MYH7B: variants seen among roughly 807,000 people sequenced by gnomAD.
The protein encoded by MYH7B is myosin heavy chain 7B.
MYH7B carries 205 observed loss-of-function variants against 234.5 expected under a neutral mutation model. The ratio of observed to expected loss-of-function variants is 0.87; its 90% CI spans 0.78 to 0.98. The LOEUF (loss-of-function observed/expected upper bound fraction) is 0.98. Among genes scored for constraint, MYH7B ranks in the 50% least tolerant of loss-of-function variants. MYH7B has a pLI of 0.00. For missense variants in MYH7B, 2,652 were observed against 2,633.4 expected, an observed-to-expected ratio of 1.01 and a Z score of -0.15; for synonymous variants, 1,193 against 1,105.0, an observed-to-expected ratio of 1.08 and a Z score of -1.58.
chr20:34,986,096 C>T lies in MYH7B; in HGVS notation c.806-4C>T, dbSNP rs770272378. 3.2e-6 allele frequency: 5 copies of T among 1,575,666 alleles called. No individual in the cohort carries two copies. The highest frequency in any genetic ancestry group is 4.3e-6 in the Non-Finnish European group (5 of 1,158,934). ...GATGGCAGGCCAGCGTCCCTTCTCC[C>T]CAGATCTCCTGGAGAAGTCGCGGGT... On this transcript the variant is annotated splice_region_variant and splice_polypyrimidine_tract_variant and intron_variant, in intron 13 of 44. Coordinates refer to ENST00000262873, the Ensembl canonical transcript of MYH7B.
intron 38 of MYH7B, 128 bp downstream of exon 38, chr20:35,000,034 G>A (rs1293452718): frequency 2.0e-6 from 2 of 985,726 alleles, no homozygotes; most frequent in Non-Finnish European, 1.5e-6. Flanking sequence ...CATTCTAGCT[G>A]TGAACCTCGG....
intron 2 of MYH7B, among the ~76,000 whole-genome samples, chr20:34,972,721 C>G (rs550787481): frequency 2.2e-4 from 34 of 152,060 alleles, no homozygotes; most frequent in Non-Finnish European, 3.4e-4. Context: ...TCTTGAACTC[C>G]TGGGATCAAG....
At chr20:34,995,230 CAAA>C (rs10536288) in intron 27 of MYH7B, 103 bp from the exon 28 acceptor site, 826,083 of 1,182,124 alleles carry the variant, frequency 0.7, 290,697 homozygotes, top group Admixed American at 0.85. Flanking sequence ...AGAGCACAGC[CAAA>C]CTTTGCTACA....
chr20:34,973,536 C>T (rs1291054387), intron 2 of MYH7B, among the ~76,000 whole-genome samples: 1 of 152,226 alleles, frequency 6.6e-6, no homozygotes, highest in Non-Finnish European at 1.5e-5. Flanking sequence ...TCATCCAGTT[C>T]AGAGGCCTCA....
rs990820364 is a variant in MYH7B, at chr20:34,999,654, G to A, written c.4624G>A (p.Gly1542Ser). Residue 1542 changes from glycine (G) to serine (S), a missense_variant, in exon 37 of 45, where the codon GGC becomes AGC. Physicochemically the swap from Gly to Ser is moderately conservative, Grantham distance 56 (BLOSUM62 0). Transcript: ENST00000262873. ...GGAGAAAACCAAGAAGGCGCTGGAA[G>A]GCGAGAAGAGTGAGATCCAGGCTGC... 5 of 1,613,712 alleles carry A rather than the reference G, an allele frequency of 3.1e-6. No individual in the cohort carries two copies. In the African/African-American group the frequency reaches 6.7e-5, roughly 22 times the overall value.
At chr20:34,999,538 G>A in intron 36 of MYH7B, 33 bp from the exon 37 acceptor site, 5 of 1,567,158 alleles carry the variant, frequency 3.2e-6, no homozygotes, top group Non-Finnish European at 4.3e-6. Flanking sequence ...TACAAGCCAT[G>A]GGGGTGGCCT....
exon 5 of MYH7B, chr20:34,978,093 G>A: frequency 6.2e-7 from 1 of 1,614,004 alleles, no homozygotes; most frequent in Non-Finnish European, 8.5e-7. Context: ...TATCCCATGG[G>A]ACGGTAAGTG....
In MYH7B at chr20:34,997,290, CGGGCAGCCCG is replaced by C. The variant is rs1569059210; in HGVS notation, c.3400_3409del (p.Ala1134ProfsTer17). The C allele has an allele frequency of 6.4e-7, 1 of 1,555,158 alleles. No individual in the cohort carries two copies. Among genetic ancestry groups the C allele is most frequent in the African/African-American group, 1.4e-5 (1 of 73,616 alleles). On this transcript the variant is annotated frameshift_variant, in exon 32 of 45. Coordinates refer to ENST00000262873, the Ensembl canonical transcript of MYH7B. LOFTEE classifies it high-confidence loss of function. ...GCTGGAAGAGGAGCTGGAGGCAGAG[CGGGCAGCCCG>C]GGCCCGCGTGGAGAAGCAGCGTGCA...
chr20:34,965,322 C>T, intron 2 of MYH7B, among the ~76,000 whole-genome samples: 1 of 152,252 alleles, frequency 6.6e-6, no homozygotes, highest in South Asian at 2.1e-4. Flanking sequence ...CAGCCGAATC[C>T]ACTAGAGCAA....
At chr20:34,977,738 G>GGGGGGGGGGGGGGGGGGGGGCCCCCC in intron 4 of MYH7B, 58 bp downstream of exon 4, 1 of 317,154 alleles carries the variant, frequency 3.2e-6, no homozygotes, top group Non-Finnish European at 5.9e-6. Context: ...GGGCGGGTGG[G>GGGGGGGGGGGGGGGGGGGGGCCCCCC]TGAGGGTGCC....
At chr20:34,980,038 T>G in intron 7 of MYH7B, 1 of 557,464 alleles carries the variant, frequency 1.8e-6, no homozygotes, top group African/African-American at 1.9e-5. Context: ...GGAGCAGCTG[T>G]AGCAGTGCGG....
chr20:34,987,106 G>A, intron 15 of MYH7B, 43 bp from the exon 16 acceptor site: 2 of 1,606,266 alleles, frequency 1.2e-6, no homozygotes, highest in Non-Finnish European at 1.7e-6. Context: ...GACCCTGGAG[G>A]AGCCCAGACC....
intron 7 of MYH7B, chr20:34,980,238 C>G (rs904515659): frequency 4.6e-5 from 15 of 328,652 alleles, no homozygotes; most frequent in Admixed American, 4.2e-4. Context: ...TGGGAACTTG[C>G]GTATCCCTCC....
At chr20:34,957,743 G>C (rs933076813) in intron 1 of MYH7B, among the ~76,000 whole-genome samples, 3 of 152,190 alleles carry the variant, frequency 2.0e-5, no homozygotes, top group African/African-American at 7.2e-5. Context: ...ACCCGCCCCA[G>C]CCTCCCAGAG....
chr20:34,976,325 G>A (rs1199852128), intron 3 of MYH7B, among the ~76,000 whole-genome samples: 1 of 152,244 alleles, frequency 6.6e-6, no homozygotes, highest in Non-Finnish European at 1.5e-5. Context: ...TGGAATGGGA[G>A]CGCATCGGTC....
At chr20:34,976,570 G>A (rs960009736) in intron 3 of MYH7B, among the ~76,000 whole-genome samples, 1 of 152,226 alleles carries the variant, frequency 6.6e-6, no homozygotes, top group Non-Finnish European at 1.5e-5. Context: ...AACCTCTGTC[G>A]AGAGTGGGCC....
At chr20:34,999,748 C>A (rs758950677) in intron 37 of MYH7B, 43 bp from the exon 38 acceptor site, 64 of 1,394,546 alleles carry the variant, frequency 4.6e-5, no homozygotes, top group Non-Finnish European at 5.6e-5. Flanking sequence ...CTCCACTGGC[C>A]ATCCCCCCCC....
intron 32 of MYH7B, 77 bp from the exon 33 acceptor site, chr20:34,998,209 TCTCTGATCC>T (rs1304182133): frequency 6.4e-5 from 96 of 1,507,064 alleles, no homozygotes; most frequent in Non-Finnish European, 8.4e-5. Flanking sequence ...AGCTTACCAG[TCTCTGATCC>T]CAGATCCTGC....
At chr20:34,982,165 G>A (rs1453575470) in intron 9 of MYH7B, 1 of 359,858 alleles carries the variant, frequency 2.8e-6, no homozygotes, top group African/African-American at 2.2e-5. Flanking sequence ...TCCTAAAATG[G>A]GGGTGATAAT....
Sources: allele counts gnomAD v4.1 joint callset (sites outside exome capture counted in the v4.1 genomes callset), GRCh38; gene constraint gnomAD v4.1.1; transcripts MANE v1.5; gene names NCBI Gene and HGNC (gene_info 2026-07-23, HGNC 2026-07-21).